DOCK5: variants seen among roughly 807,000 people sequenced by gnomAD.
DOCK5 encodes the protein dedicator of cytokinesis protein 5.
A neutral mutation model predicts 251.8 loss-of-function variants in DOCK5; 142 were observed. The observed-to-expected ratio is 0.56, with a 90% CI of 0.49 to 0.65. The LOEUF (loss-of-function observed/expected upper bound fraction) is 0.65, where lower values mean the gene tolerates loss of function less well. DOCK5 is among the 30% of genes least tolerant of loss of function. The pLI is 0.00. For synonymous variants in DOCK5, 842 were observed against 835.5 expected (o/e 1.01, Z -0.13); for missense variants, 2,111 against 2,312.3 (o/e 0.91, Z 1.79).
chr8:25,238,745 AGTG>A (rs1348434554), intron 1 of DOCK5, among the ~76,000 whole-genome samples: 1 of 152,234 alleles, frequency 6.6e-6, no homozygotes, highest in Admixed American at 6.5e-5. Flanking sequence ...TTGGGGAAGA[AGTG>A]GTGAATAACT....
At position 25,414,909 on chromosome 8, in the gene DOCK5, CTTT is replaced by C. The variant is rs56338302; in HGVS notation, c.*3622_*3624del. 4 of 96,604 alleles carry C rather than the reference CTTT, an allele frequency of 4.1e-5. 1 individual carries two copies. Among genetic ancestry groups the C allele is most frequent in the African/African-American group, 1.1e-4 (3 of 27,098 alleles). The allele number at this position is 96,604 out of a possible 1,614,324, so 6.0% of individuals were successfully genotyped here. A position where few individuals can be genotyped will look rare whatever the true frequency, so the allele number is the denominator to read the frequency against. Reference sequence around the variant, plus strand: ...ATTTGTAGTCAGTCCCTGGGCCTGTCTTTTTTTTTTTTTAATTTTGAAGCTACC... The same window carrying C: ...ATTTGTAGTCAGTCCCTGGGCCTGTCTTTTTTTTTTAATTTTGAAGCTACC... On this transcript the variant is annotated 3_prime_UTR_variant, in exon 52 of 52. Transcript: ENST00000276440.
At chr8:25,320,942 G>A in intron 15 of DOCK5, 38 bp from the exon 16 acceptor site, 1 of 1,563,840 alleles carries the variant, frequency 6.4e-7, no homozygotes, top group Non-Finnish European at 8.8e-7. Flanking sequence ...GCAAAGTACT[G>A]TGTGTCTGTA....
chr8:25,304,454 G>A (rs1804848154), intron 11 of DOCK5, 127 bp downstream of exon 11: 1 of 803,416 alleles, frequency 1.2e-6, no homozygotes, highest in Admixed American at 3.2e-5. Flanking sequence ...CTGCAAGATT[G>A]TCAGATAGGA....
At chr8:25,302,534 C>G (rs1329165545) in intron 10 of DOCK5, 80 bp downstream of exon 10, 1 of 1,417,838 alleles carries the variant, frequency 7.1e-7, no homozygotes, top group Non-Finnish European at 9.3e-7. Flanking sequence ...AAAAATTAAA[C>G]ATGGAACTAG....
chr8:25,336,745 G>A (rs1805819851), intron 22 of DOCK5, among the ~76,000 whole-genome samples: 1 of 152,170 alleles, frequency 6.6e-6, no homozygotes, highest in South Asian at 2.1e-4. Context: ...CCTGAGATGA[G>A]TGTTTCCTTG....
chr8:25,240,286 A>C (rs1802909637), intron 1 of DOCK5, among the ~76,000 whole-genome samples: 2 of 152,152 alleles, frequency 1.3e-5, no homozygotes, highest in African/African-American at 4.8e-5. Context: ...TTAAAAAAAA[A>C]AAAAAACCAG....
chr8:25,393,901 T>A (rs1801302241), intron 44 of DOCK5, among the ~76,000 whole-genome samples: 1 of 152,240 alleles, frequency 6.6e-6, no homozygotes, highest in South Asian at 2.1e-4. Context: ...CAAGAAATGT[T>A]TCTTGACCAA....
intron 47 of DOCK5, among the ~76,000 whole-genome samples, chr8:25,401,336 G>A (rs1801435069): frequency 6.6e-6 from 1 of 152,140 alleles, no homozygotes; most frequent in Non-Finnish European, 1.5e-5. Flanking sequence ...TGGAGTTTAT[G>A]ATTCCATAGA....
intron 1 of DOCK5, among the ~76,000 whole-genome samples, chr8:25,201,772 G>A (rs1801883806): frequency 1.3e-5 from 2 of 152,136 alleles, no homozygotes; most frequent in African/African-American, 4.8e-5. Flanking sequence ...CTGGTACAGT[G>A]GGCAGTACGT....
intron 42 of DOCK5, among the ~76,000 whole-genome samples, chr8:25,391,522 C>T (rs1801259857): frequency 1.3e-5 from 2 of 152,006 alleles, no homozygotes; most frequent in African/African-American, 4.8e-5. Flanking sequence ...CTTGTAATCT[C>T]GGCTACTCAG....
chr8:25,312,825 A>G (rs538774820), intron 13 of DOCK5, among the ~76,000 whole-genome samples: 1 of 151,834 alleles, frequency 6.6e-6, no homozygotes, highest in East Asian at 1.9e-4. Context: ...AGCTACTTGA[A>G]AGGCTGAAGC....
intron 33 of DOCK5, 90 bp downstream of exon 33, chr8:25,368,815 A>C: frequency 7.6e-7 from 1 of 1,310,760 alleles, no homozygotes; most frequent in Non-Finnish European, 1.0e-6. Context: ...CAGTAACCTT[A>C]ATAATGCAAG....
intron 2 of DOCK5, among the ~76,000 whole-genome samples, chr8:25,267,215 C>A (rs1167837252): frequency 2.0e-5 from 3 of 152,080 alleles, no homozygotes; most frequent in Non-Finnish European, 4.4e-5. Flanking sequence ...TCTCTTACAC[C>A]TTGGCATCCT....
At chr8:25,303,350 GT>G (rs1426108898) in intron 10 of DOCK5, among the ~76,000 whole-genome samples, 3 of 152,128 alleles carry the variant, frequency 2.0e-5, no homozygotes, top group African/African-American at 7.2e-5. Flanking sequence ...CTGGGTCTGC[GT>G]ATTGATTTTA....
intron 35 of DOCK5, 124 bp from the exon 36 acceptor site, chr8:25,373,494 A>G (rs1387503232): frequency 1.1e-6 from 1 of 894,028 alleles, no homozygotes; most frequent in Non-Finnish European, 1.7e-6. Flanking sequence ...TATTTGTTAA[A>G]GGGAAACAGT....
rs1256321988 is a variant in DOCK5, at chr8:25,412,436, T to C, written c.*1138T>C. The C allele has an allele frequency of 1.3e-5, 2 of 152,180 alleles. No individual in the cohort carries two copies. Among genetic ancestry groups the C allele is most frequent in the African/African-American group, 4.8e-5 (2 of 41,442 alleles). The allele number at this position is 152,180 out of a possible 1,614,324, so 9.4% of individuals were successfully genotyped here. On this transcript the variant is annotated 3_prime_UTR_variant, in exon 52 of 52. Transcript: ENST00000276440. ...AAAGATCAACCAACCAGTCCCCTTA[T>C]TTAGTAAATAAGGAAATTGAGGCTA...
intron 35 of DOCK5, among the ~76,000 whole-genome samples, chr8:25,373,063 G>A (rs570602222): frequency 2.7e-5 from 4 of 150,334 alleles, no homozygotes; most frequent in South Asian, 4.2e-4. Flanking sequence ...GCAGTGGTGC[G>A]ATCTCAGCTC....
chr8:25,360,862 G>T (rs1393812818), intron 28 of DOCK5, among the ~76,000 whole-genome samples: 2 of 152,066 alleles, frequency 1.3e-5, no homozygotes, highest in African/African-American at 4.8e-5. Context: ...TGGCTCCATT[G>T]TTAAGTAAGA....
intron 18 of DOCK5, among the ~76,000 whole-genome samples, chr8:25,326,507 T>C (rs1018060758): frequency 1.3e-5 from 2 of 152,206 alleles, no homozygotes; most frequent in African/African-American, 4.8e-5. Context: ...CTAATCCGTA[T>C]GTGCAAGTAA....
Sources: gnomAD v4.1 joint callset for allele counts (sites outside exome capture counted in the v4.1 genomes callset) on GRCh38, gnomAD v4.1.1 for gene constraint, MANE v1.5 for transcripts, NCBI Gene and HGNC (gene_info 2026-07-23, HGNC 2026-07-21) for gene names.